CELSR1: variants seen among roughly 807,000 people sequenced by gnomAD.
CELSR1 encodes cadherin EGF LAG seven-pass G-type receptor 1.
A neutral mutation model predicts 249.1 loss-of-function variants in CELSR1; 110 were observed. That is an observed-to-expected ratio of 0.44 (90% CI 0.38 to 0.52). The LOEUF is 0.52. Among genes scored for constraint, CELSR1 ranks in the 20% least tolerant of loss-of-function variants. CELSR1 has a pLI of 0.00. For synonymous variants in CELSR1, 2,113 were observed against 1,900.0 expected (o/e 1.11, Z -2.92); for missense variants, 4,109 against 4,296.4 (o/e 0.96, Z 1.22).
At chr22:46,532,608 C>G (rs936448150) in intron 1 of CELSR1, among the ~76,000 whole-genome samples, 11 of 152,200 alleles carry the variant, frequency 7.2e-5, no homozygotes, top group Non-Finnish European at 1.5e-4. Context: ...TAAACAATTT[C>G]TCTGAAACAC....
Position 46,412,742 on chromosome 22 carries a change from C to CA in CELSR1, c.4612-984dup, listed in dbSNP as rs1699988620. ...GAGGAAAAGCAGCACCCGCCCTACA[C>CA]AATCCATGCTGGCCACGGAACTTAA... On this transcript the variant is annotated intron_variant, in intron 5 of 34. Coordinates refer to ENST00000674500, the MANE Select transcript of CELSR1 (RefSeq NM_001378328.1). The surrounding 1 kb of genome is among the most constrained non-coding windows in gnomAD (Gnocchi z 4.5). 1.3e-5 allele frequency among the ~76,000 whole-genome samples: 2 copies of CA among 152,358 alleles called. No individual in the cohort carries two copies. The highest frequency in any genetic ancestry group is 4.8e-5 in the African/African-American group (2 of 41,582).
chr22:46,388,860 C>A (rs1183648746), intron 18 of CELSR1, among the ~76,000 whole-genome samples: 1 of 152,104 alleles, frequency 6.6e-6, no homozygotes, highest in Non-Finnish European at 1.5e-5. Context: ...GACATGGGGG[C>A]CCACTGCCGG....
rs567056268 is a variant in CELSR1, at chr22:46,527,824, G to T, written c.3544+5803C>A. Among the ~76,000 whole-genome samples, 9 of 152,166 alleles carry T rather than the reference G, an allele frequency of 5.9e-5. No homozygotes were observed. The highest frequency in any genetic ancestry group is 1.3e-4 in the Non-Finnish European group (9 of 68,040). On this transcript the variant is annotated intron_variant, in intron 1 of 34. Transcript: ENST00000674500. This position sits in a 1 kb window ranked among gnomAD's most constrained non-coding sequence, Gnocchi z 5.5. Reference sequence around the variant, plus strand: ...AGATGGTCCGACCCAGGCTGGGAGCGGTGGCTCACGCCTGTAATCCCAGCA... The same window carrying T: ...AGATGGTCCGACCCAGGCTGGGAGCTGTGGCTCACGCCTGTAATCCCAGCA...
At chr22:46,487,571 A>C (rs940795594) in intron 1 of CELSR1, among the ~76,000 whole-genome samples, 27 of 758 alleles carry the variant, frequency 0.036, no homozygotes, top group Middle Eastern at 0.12. Flanking sequence ...GTGGGGGGTG[A>C]GGGGGAGGGG....
At position 46,464,232 on chromosome 22, in the gene CELSR1, G is replaced by A. The variant is rs1263063831; in HGVS notation, c.3658C>T (p.Leu1220=). The change falls in exon 2 of 35, where the codon CTG becomes TTG. Residue 1220 remains leucine (L), a synonymous_variant. Transcript: ENST00000674500. The surrounding 1 kb of genome is among the most constrained non-coding windows in gnomAD (Gnocchi z 8.5). ...ACGAAGAGGGCCAGCAGCGGGGACA[G>A]GAACTTCTCCTGGGACATGTTCTCC... The part of the protein sequence containing the change: ...RLENMSQEKF[L]SPLLALFVEG... The A allele has an allele frequency of 6.2e-7, 1 of 1,613,792 alleles. No individual in the cohort carries two copies.
Position 46,416,102 on chromosome 22 carries a change from CAGA to C in CELSR1, c.4612-4346_4612-4344del, listed in dbSNP as rs1555913209. Among the ~76,000 whole-genome samples, 84 of 120,872 alleles carry C rather than the reference CAGA, an allele frequency of 6.9e-4. 1 individual carries two copies. Among genetic ancestry groups the C allele is most frequent in the South Asian group, 1.2e-3 (5 of 4,258 alleles). 79.3% of individuals were successfully genotyped at this position (120,872 alleles called of 152,430 possible). A position where few individuals can be genotyped will look rare whatever the true frequency, so the allele number is the denominator to read the frequency against. ...AGCTGACGATGAATGGTACAGGTTG[CAGA>C]GGGGGGCGGATAAGGAATGAGACAG... On this transcript the variant is annotated intron_variant, in intron 5 of 34. Transcript: ENST00000674500.
At chr22:46,459,717 G>C (rs560845669) in intron 2 of CELSR1, among the ~76,000 whole-genome samples, 2 of 152,356 alleles carry the variant, frequency 1.3e-5, no homozygotes, top group African/African-American at 4.8e-5. Flanking sequence ...AAAAATGTCT[G>C]ATTTTGTCAA....
chr22:46,442,429 G>A (rs149174223), intron 2 of CELSR1, among the ~76,000 whole-genome samples: 60 of 152,364 alleles, frequency 3.9e-4, no homozygotes, highest in African/African-American at 1.4e-3. Flanking sequence ...GCTGTGGGGT[G>A]GCTGAGGCCT....
Position 46,485,929 on chromosome 22 carries a change from C to CT in CELSR1, c.3545-21585dup, listed in dbSNP as rs77749125. Among the ~76,000 whole-genome samples the CT allele has an allele frequency of 3.2e-3, 332 of 104,772 alleles. 22 individuals are homozygous for CT. Among genetic ancestry groups the CT allele is most frequent in the African/African-American group, 0.014 (268 of 19,144 alleles). 68.7% of individuals were successfully genotyped at this position (104,772 alleles called of 152,430 possible). A position where few individuals can be genotyped will look rare whatever the true frequency, so the allele number is the denominator to read the frequency against. ...TTAATATGCTCTAACCTTTCAGGTA[C>CT]TTTTTTTTTTTTTTTTTTTTTTTTT... On this transcript the variant is annotated intron_variant, in intron 1 of 34. Coordinates refer to ENST00000674500, the MANE Select transcript of CELSR1 (RefSeq NM_001378328.1).
intron 5 of CELSR1, among the ~76,000 whole-genome samples, chr22:46,424,071 A>C (rs1215662486): frequency 2.0e-5 from 3 of 151,866 alleles, no homozygotes; most frequent in Non-Finnish European, 4.4e-5. Context: ...ATCTTAAAAA[A>C]AAATTTTTTT....
At position 46,365,641 on chromosome 22, in the gene CELSR1, G is replaced by A. The variant is rs2078761235; in HGVS notation, c.8349C>T (p.Gly2783=). 2 of 1,590,988 alleles carry A rather than the reference G, an allele frequency of 1.3e-6. No individual in the cohort carries two copies. Among genetic ancestry groups the A allele is most frequent in the Non-Finnish European group, 1.7e-6 (2 of 1,169,548 alleles). ...KLGVSSGLVR[G]SHGEPDASLM... is the part of the protein sequence containing the mutation. ...GGGACGCGTCTGGCTCTCCGTGGCT[G>A]CCCCTCACCAGCCCAGAGGACACGC... Residue 2783 remains glycine, a synonymous_variant, in exon 31 of 35, where the codon GGC becomes GGT. Transcript: ENST00000674500.
rs2078967499 is a variant in CELSR1 at position 46,380,632 on chromosome 22, G to C, written c.7256+156C>G. Among the ~76,000 whole-genome samples, 1 of 152,222 alleles carries C rather than the reference G, an allele frequency of 6.6e-6. No homozygotes were observed. Among genetic ancestry groups the C allele is most frequent in the Admixed American group, 6.5e-5 (1 of 15,284 alleles). On this transcript the variant is annotated intron_variant, in intron 22 of 34. Transcript: ENST00000674500. The surrounding 1 kb of genome is among the most constrained non-coding windows in gnomAD (Gnocchi z 5.1). ...GGACTCTGATATTCCCACAGAAGCA[G>C]AGCAGGAGGCTCACTGCCCCCACGG...
At position 46,500,944 on chromosome 22, in the gene CELSR1, C is replaced by T. The variant is rs894012122; in HGVS notation, c.3544+32683G>A. Among the ~76,000 whole-genome samples, 18 of 152,220 alleles carry T rather than the reference C, an allele frequency of 1.2e-4. No individual in the cohort carries two copies. The highest frequency in any genetic ancestry group is 4.3e-4 in the African/African-American group (18 of 41,550). ...TGCTGAGAACCCTGTTTCTAACACC[C>T]CTCCAGAGACCCAAAGATCTGAAAT... On this transcript the variant is annotated intron_variant, in intron 1 of 34. Transcript: ENST00000674500. This position sits in a 1 kb window ranked among gnomAD's most constrained non-coding sequence, Gnocchi z 4.9.
rs573906143 is a variant in CELSR1 at position 46,463,949 on chromosome 22, T to C, written c.3941A>G (p.Asn1314Ser). The C allele has an allele frequency of 6.2e-7, 1 of 1,613,998 alleles. No individual in the cohort carries two copies. Among genetic ancestry groups the C allele is most frequent in the East Asian group, 2.2e-5 (1 of 44,884 alleles). The change falls in exon 2 of 35, where the codon AAC becomes AGC. Residue 1314 changes from asparagine (N) to serine (S), a missense_variant. Coordinates refer to ENST00000674500, the MANE Select transcript of CELSR1 (RefSeq NM_001378328.1). ...DNICLREPCE[N>S]YMKCVSVLRF... ...CAGAACGGACACGCACTTCATGTAG[T>C]TCTCGCAGGGCTCGCGCAGGCAGAT...
chr22:46,513,893 C>T (rs565946241), intron 1 of CELSR1, among the ~76,000 whole-genome samples: 29 of 151,280 alleles, frequency 1.9e-4, no homozygotes, highest in South Asian at 4.3e-4. Context: ...CCGGGGTTCA[C>T]GCCATTCTCC....
chr22:46,486,181 C>T (rs1197217103), intron 1 of CELSR1, among the ~76,000 whole-genome samples: 1 of 151,012 alleles, frequency 6.6e-6, no homozygotes, highest in Non-Finnish European at 1.5e-5. Flanking sequence ...CCTCGTGATC[C>T]GCCAGCCTCG....
chr22:46,463,524 A>C (rs1357861412), intron 2 of CELSR1, among the ~76,000 whole-genome samples, 183 bp downstream of exon 2: 1 of 145,462 alleles, frequency 6.9e-6, no homozygotes, highest in Non-Finnish European at 1.5e-5. Flanking sequence ...AAAAAAGTTA[A>C]AAAAAAAAAA....
chr22:46,470,923 G>A (rs556331727), intron 1 of CELSR1, among the ~76,000 whole-genome samples: 3 of 152,106 alleles, frequency 2.0e-5, no homozygotes, highest in Non-Finnish European at 2.9e-5. Context: ...TCAGGAGTTC[G>A]AGACTAGCCT....
intron 1 of CELSR1, among the ~76,000 whole-genome samples, chr22:46,485,222 T>C (rs1360673479): frequency 6.6e-6 from 1 of 152,084 alleles, no homozygotes; most frequent in Non-Finnish European, 1.5e-5. Flanking sequence ...CAGGCCTCTC[T>C]CCCCTGCCAC....
Sources: gnomAD v4.1 joint callset for allele counts (sites outside exome capture counted in the v4.1 genomes callset) on GRCh38, gnomAD v4.1.1 for gene constraint, Gnocchi (gnomAD v3.1) non-coding constraint, MANE v1.5 for transcripts, NCBI Gene and HGNC (gene_info 2026-07-23, HGNC 2026-07-21) for gene names.